Variants in FCER1G observed in about 807,000 individuals in gnomAD.
The protein encoded by FCER1G is high affinity immunoglobulin epsilon receptor subunit gamma.
In FCER1G, 7 loss-of-function variants were observed where a neutral mutation model predicts 17.3. The ratio of observed to expected loss-of-function variants is 0.40; its 90% CI spans 0.23 to 0.76. FCER1G has a LOEUF of 0.76. FCER1G is among the 30% of genes least tolerant of loss of function. FCER1G has a pLI of 0.35. For missense variants in FCER1G, 87 were observed against 97.7 expected, an observed-to-expected ratio of 0.89 and a Z score of 0.46; for synonymous variants, 35 against 38.7, an observed-to-expected ratio of 0.90 and a Z score of 0.35.
chr1:161,215,782 C>T (rs1405647214), intron 1 of FCER1G, among the ~76,000 whole-genome samples: 1 of 151,972 alleles, frequency 6.6e-6, no homozygotes, highest in East Asian at 1.9e-4. Flanking sequence ...TGGTAGAAAC[C>T]GGGTTTCGTC....
At chr1:161,217,682 G>A (rs1291065974) in intron 1 of FCER1G, among the ~76,000 whole-genome samples, 5 of 152,114 alleles carry the variant, frequency 3.3e-5, no homozygotes, top group African/African-American at 7.2e-5. Context: ...AGTGCTCAAT[G>A]GTGCCTGAAG....
chr1:161,219,016 G>A lies in FCER1G; in HGVS notation c.*73G>A. ...AGCCCTCATGGTTGGCATCACATAT[G>A]CCTGCATGCCATTAACACCAGCTGG... On this transcript the variant is annotated 3_prime_UTR_variant, in exon 5 of 5. Coordinates refer to ENST00000289902, the MANE Select transcript of FCER1G (RefSeq NM_004106.2). 1 of 1,145,420 alleles carries A rather than the reference G, an allele frequency of 8.7e-7. No homozygotes were observed. The allele number at this position is 1,145,420 out of a possible 1,614,324, so 71.0% of individuals were successfully genotyped here. A position where few individuals can be genotyped will look rare whatever the true frequency, so the allele number is the denominator to read the frequency against.
intron 1 of FCER1G, among the ~76,000 whole-genome samples, chr1:161,215,964 A>G (rs950097294): frequency 3.3e-5 from 5 of 152,020 alleles, no homozygotes; most frequent in African/African-American, 9.7e-5. Context: ...GCCTCAAGCA[A>G]TTCTCCCACC....
rs1364281286 is a variant in FCER1G, at chr1:161,219,005, G to A, written c.*62G>A. 3 of 1,328,518 alleles carry A rather than the reference G, an allele frequency of 2.3e-6. No individual in the cohort carries two copies. In the Admixed American group the frequency reaches 5.1e-5, roughly 22 times the overall value. 82.3% of individuals were successfully genotyped at this position (1,328,518 alleles called of 1,614,324 possible). A position where few individuals can be genotyped will look rare whatever the true frequency, so the allele number is the denominator to read the frequency against. ...CTGGTTCTTCCAGCCCTCATGGTTGGCATCACATATGCCTGCATGCCATTA... is the reference window on the plus strand; with the variant it reads ...CTGGTTCTTCCAGCCCTCATGGTTGACATCACATATGCCTGCATGCCATTA... On this transcript the variant is annotated 3_prime_UTR_variant, in exon 5 of 5. Transcript: ENST00000289902.
At chr1:161,215,808 GTC>G (rs1666026328) in intron 1 of FCER1G, among the ~76,000 whole-genome samples, 1 of 152,044 alleles carries the variant, frequency 6.6e-6, no homozygotes, top group South Asian at 2.1e-4. Flanking sequence ...GACCAGGGTA[GTC>G]TTGAACTCCT....
chr1:161,215,591 G>T (rs771820405), intron 1 of FCER1G, among the ~76,000 whole-genome samples: 13 of 151,778 alleles, frequency 8.6e-5, no homozygotes, highest in Non-Finnish European at 1.9e-4. Flanking sequence ...ACTTTTCTCC[G>T]TATTATTATT....
rs1666084951 is a variant in FCER1G at position 161,218,055 on chromosome 1, C to T, written c.119C>T (p.Thr40Ile). Residue 40 changes from threonine (T) to isoleucine (I), a missense_variant, in exon 2 of 5, where the codon ACC (threonine) becomes ATC (isoleucine). Physicochemically the swap from Thr to Ile is moderately conservative, Grantham distance 89. Coordinates refer to ENST00000289902, the MANE Select transcript of FCER1G (RefSeq NM_004106.2). The part of the protein sequence containing the change: ...AILFLYGIVL[T>I]LLYCRLKIQV... ...CTGTTTCTGTATGGAATTGTCCTCACCCTCCTCTACTGTCGACTGAAGGTA... is the reference window on the plus strand; with the variant it reads ...CTGTTTCTGTATGGAATTGTCCTCATCCTCCTCTACTGTCGACTGAAGGTA... The T allele has an allele frequency of 1.2e-6, 2 of 1,613,620 alleles. No homozygotes were observed. The highest frequency in any genetic ancestry group is 8.5e-7 in the Non-Finnish European group (1 of 1,179,694).
At chr1:161,217,330 C>T (rs978312157) in intron 1 of FCER1G, among the ~76,000 whole-genome samples, 2 of 151,944 alleles carry the variant, frequency 1.3e-5, no homozygotes, top group African/African-American at 4.8e-5. Context: ...GGTCATTCCC[C>T]CAGCCTTGTG....
At chr1:161,218,623 G>A (rs1039291063) in intron 3 of FCER1G, 80 bp from the exon 4 acceptor site, 61 of 1,499,848 alleles carry the variant, frequency 4.1e-5, no homozygotes, top group Non-Finnish European at 3.3e-5. Flanking sequence ...CACCCCCCAT[G>A]CCTCCCTGGG....
At chr1:161,218,665 T>C (rs775353592) in intron 3 of FCER1G, 38 bp from the exon 4 acceptor site, 3 of 1,612,918 alleles carry the variant, frequency 1.9e-6, no homozygotes, top group East Asian at 2.2e-5. Context: ...CTGGAGAAAG[T>C]GTGGGTCTTT....
intron 1 of FCER1G, among the ~76,000 whole-genome samples, chr1:161,216,570 C>A (rs1444358968): frequency 6.6e-6 from 1 of 152,012 alleles, no homozygotes; most frequent in Admixed American, 6.6e-5. Context: ...ATTCTGTCAG[C>A]AGTTGATAAT....
At position 161,216,423 on chromosome 1, in the gene FCER1G, T is replaced by TAGAGAGAGAGAG. The variant is rs775459058; in HGVS notation, c.49+1054_49+1055insGAGAGAGAGAGA. On this transcript the variant is annotated intron_variant, in intron 1 of 4. Transcript: ENST00000289902. ...ACACACACACACACATATATATATA[T>TAGAGAGAGAGAG]ATATAGAGAGAGAGAGAGAGAGAGA... Among the ~76,000 whole-genome samples, 3 of 142,286 alleles carry TAGAGAGAGAGAG rather than the reference T, an allele frequency of 2.1e-5. No homozygotes were observed. In the South Asian group the frequency reaches 7.0e-4, roughly 33 times the overall value. 93.3% of individuals were successfully genotyped at this position (142,286 alleles called of 152,430 possible). A position where few individuals can be genotyped will look rare whatever the true frequency, so the allele number is the denominator to read the frequency against.
chr1:161,215,441 C>A, intron 1 of FCER1G, 71 bp downstream of exon 1: 1 of 1,345,350 alleles, frequency 7.4e-7, no homozygotes, highest in Non-Finnish European at 1.1e-6. Flanking sequence ...GTCTGAGGGC[C>A]AAGTCAAACA....
rs1362743954 is a variant in FCER1G at position 161,218,013 on chromosome 1, A to G, written c.77A>G (p.Tyr26Cys). 3.7e-6 allele frequency: 6 copies of G among 1,613,746 alleles called. No homozygotes were observed. The highest frequency in any genetic ancestry group is 1.3e-5 in the African/African-American group (1 of 74,862). Residue 26 changes from tyrosine (Y) to cysteine (C), a missense_variant, in exon 2 of 5, where the codon TAT becomes TGT. Physicochemically the swap from Tyr to Cys is radical, Grantham distance 194 (BLOSUM62 -2). Coordinates refer to ENST00000289902, the MANE Select transcript of FCER1G (RefSeq NM_004106.2). Reference sequence around the variant, plus strand: ...GCCCTGGGAGAGCCTCAGCTCTGCTATATCCTGGATGCCATCCTGTTTCTG... The same window carrying G: ...GCCCTGGGAGAGCCTCAGCTCTGCTGTATCCTGGATGCCATCCTGTTTCTG... ...AAALGEPQLCYILDAILFLYG... is the reference protein window; with the variant it reads ...AAALGEPQLCCILDAILFLYG...
At chr1:161,215,440 C>A in intron 1 of FCER1G, 70 bp downstream of exon 1, 1 of 1,350,532 alleles carries the variant, frequency 7.4e-7, no homozygotes, top group Non-Finnish European at 1.1e-6. Context: ...GGTCTGAGGG[C>A]CAAGTCAAAC....
intron 2 of FCER1G, 57 bp from the exon 3 acceptor site, chr1:161,218,184 G>A: frequency 6.4e-7 from 1 of 1,565,762 alleles, no homozygotes; most frequent in Admixed American, 1.7e-5. Context: ...AAAGTTTGGA[G>A]GGAAGGGGGA....
At position 161,217,978 on chromosome 1, in the gene FCER1G, C is replaced by T. The variant is rs755601917; in HGVS notation, c.50-8C>T. 3 of 1,602,084 alleles carry T rather than the reference C, an allele frequency of 1.9e-6. No individual in the cohort carries two copies. The highest frequency in any genetic ancestry group is 3.3e-5 in the Admixed American group (2 of 59,964). ...CCCCGACCCCATGGGCATCCTCTAT[C>T]CCCTCAGCGGCCCTGGGAGAGCCTC... On this transcript the variant is annotated splice_region_variant and splice_polypyrimidine_tract_variant and intron_variant, in intron 1 of 4. Transcript: ENST00000289902.
Position 161,218,739 on chromosome 1 carries a change from T to A in FCER1G, c.198+16T>A. 1 of 1,612,918 alleles carries A rather than the reference T, an allele frequency of 6.2e-7. No homozygotes were observed. Among genetic ancestry groups the A allele is most frequent in the Non-Finnish European group, 8.5e-7 (1 of 1,179,220 alleles). On this transcript the variant is annotated intron_variant, in intron 4 of 4. Transcript: ENST00000289902. ...TGTTTACACGGTAAGTGTGCCTACC[T>A]CCCCCACCCAGGAAGTCAGCAGAAG...
chr1:161,217,969 A>T lies in FCER1G; in HGVS notation c.50-17A>T. 2.5e-6 allele frequency: 4 copies of T among 1,578,470 alleles called. No individual in the cohort carries two copies. On this transcript the variant is annotated splice_polypyrimidine_tract_variant and intron_variant, in intron 1 of 4. Coordinates refer to ENST00000289902, the MANE Select transcript of FCER1G (RefSeq NM_004106.2). ...CCCTGATACCCCCGACCCCATGGGC[A>T]TCCTCTATCCCCTCAGCGGCCCTGG...
Sources: gnomAD v4.1 joint callset for allele counts (sites outside exome capture counted in the v4.1 genomes callset) on GRCh38, gnomAD v4.1.1 for gene constraint, MANE v1.5 for transcripts, NCBI Gene and HGNC (gene_info 2026-07-23, HGNC 2026-07-21) for gene names.